ULK4: variants seen among roughly 807,000 people sequenced by gnomAD.
The protein encoded by ULK4 is unc-51 like kinase 4, also known as inactive serine/threonine-protein kinase ULK4.
ULK4 carries 133 observed loss-of-function variants against 160.6 expected under a neutral mutation model. That is an observed-to-expected ratio of 0.83 (90% confidence interval 0.72 to 0.96). The LOEUF (loss-of-function observed/expected upper bound fraction) is 0.96. Ranked by LOEUF, ULK4 falls within the 40% of genes least tolerant of loss-of-function variation. ULK4 has a pLI of 0.00. For missense variants in ULK4, 1,580 were observed against 1,499.5 expected (o/e 1.05, Z -0.89); for synonymous variants, 534 against 539.8 (o/e 0.99, Z 0.15).
chr3:41,486,754 T>C (rs933313044), intron 32 of ULK4, among the ~76,000 whole-genome samples: 5 of 152,212 alleles, frequency 3.3e-5, no homozygotes, highest in African/African-American at 9.7e-5. Context: ...TTTGGCCTTC[T>C]GGACTAACTG....
intron 35 of ULK4, among the ~76,000 whole-genome samples, chr3:41,381,429 T>C (rs538449903): frequency 6.6e-6 from 1 of 152,318 alleles, no homozygotes; most frequent in South Asian, 2.1e-4. Flanking sequence ...CATTTCCAGA[T>C]GGATGTTCAA....
rs547579420 is a variant in ULK4, at chr3:41,878,585, A to G, written c.1656+5289T>C. Among the ~76,000 whole-genome samples the G allele has an allele frequency of 1.4e-3, 207 of 152,056 alleles. 3 individuals carry two copies. The highest frequency in any genetic ancestry group is 2.1e-3 in the Non-Finnish European group (144 of 67,994). Reference sequence around the variant, plus strand: ...TGTAAGAAAACTTCCAACTACAAATAGAAAGGAAATTACAGAATAAGAAAA... The same window carrying G: ...TGTAAGAAAACTTCCAACTACAAATGGAAAGGAAATTACAGAATAAGAAAA... On this transcript the variant is annotated intron_variant, in intron 17 of 36. Transcript: ENST00000301831.
At chr3:41,794,838 C>A (rs539431455) in intron 20 of ULK4, among the ~76,000 whole-genome samples, 1 of 151,914 alleles carries the variant, frequency 6.6e-6, no homozygotes, top group East Asian at 1.9e-4. Flanking sequence ...ATGTAAAAAA[C>A]CAGCAGAGAA....
At chr3:41,537,192 AT>A (rs58996371) in intron 32 of ULK4, among the ~76,000 whole-genome samples, 21 of 149,164 alleles carry the variant, frequency 1.4e-4, no homozygotes, top group East Asian at 7.9e-4. Context: ...ACCCCCAACC[AT>A]TTTTTTTTTG....
chr3:41,419,649 T>C (rs57840176), intron 34 of ULK4, among the ~76,000 whole-genome samples: 5,434 of 152,180 alleles, frequency 0.036, 319 homozygotes, highest in African/African-American at 0.12. Context: ...AACTCAGGAC[T>C]GCTTTACTCT....
intron 32 of ULK4, among the ~76,000 whole-genome samples, chr3:41,526,804 AG>A (rs1327197231): frequency 6.6e-6 from 1 of 152,186 alleles, no homozygotes; most frequent in South Asian, 2.1e-4. Context: ...GGAGTGTTGT[AG>A]GGTTTTTTAA....
At position 41,576,534 on chromosome 3, in the gene ULK4, CAT is replaced by C. The variant is rs113427199; in HGVS notation, c.3121-10406_3121-10405del. ...CTTGGGTAAATACAGCTGCAGAAGG[CAT>C]AGACGGTGTGAGAGCCTCCTTCTAG... On this transcript the variant is annotated intron_variant, in intron 31 of 36. Transcript: ENST00000301831. Among the ~76,000 whole-genome samples the C allele has an allele frequency of 3.5e-3, 538 of 152,312 alleles. 4 individuals carry two copies. Among genetic ancestry groups the C allele is most frequent in the African/African-American group, 0.013 (520 of 41,554 alleles).
At chr3:41,345,610 A>T (rs754803000) in intron 35 of ULK4, among the ~76,000 whole-genome samples, 1 of 152,128 alleles carries the variant, frequency 6.6e-6, no homozygotes, top group Non-Finnish European at 1.5e-5. Context: ...AACCACACAC[A>T]GTGGGGCCTG....
chr3:41,590,759 T>C (rs1340614371), intron 31 of ULK4, among the ~76,000 whole-genome samples: 1 of 148,960 alleles, frequency 6.7e-6, no homozygotes, highest in African/African-American at 2.5e-5. Flanking sequence ...CAATACAGTA[T>C]ATCCAAAACT....
At chr3:41,484,748 G>T (rs932693942) in intron 32 of ULK4, among the ~76,000 whole-genome samples, 13 of 152,072 alleles carry the variant, frequency 8.5e-5, no homozygotes, top group Non-Finnish European at 1.9e-4. Flanking sequence ...CACCGCGCCC[G>T]GCCCGAGTGA....
At position 41,506,770 on chromosome 3, in the gene ULK4, AT is replaced by A. The variant is rs1559658076; in HGVS notation, c.3227-43518del. 1.0e-3 allele frequency among the ~76,000 whole-genome samples: 101 copies of A among 100,118 alleles called. 17 individuals carry two copies. In the East Asian group the frequency reaches 0.011, roughly 11 times the overall value. 65.7% of individuals were successfully genotyped at this position (100,118 alleles called of 152,430 possible). A position where few individuals can be genotyped will look rare whatever the true frequency, so the allele number is the denominator to read the frequency against. On this transcript the variant is annotated intron_variant, in intron 32 of 36. Coordinates refer to ENST00000301831, the MANE Select transcript of ULK4 (RefSeq NM_017886.4). Reference sequence around the variant, plus strand: ...AATACACTGGAGTGTGATTTAAAATATATATATATATATATATATATATATA... The same window carrying A: ...AATACACTGGAGTGTGATTTAAAATAATATATATATATATATATATATATA...
At position 41,504,125 on chromosome 3, in the gene ULK4, C is replaced by T. The variant is rs367668905; in HGVS notation, c.3227-40872G>A. On this transcript the variant is annotated intron_variant, in intron 32 of 36. Coordinates refer to ENST00000301831, the MANE Select transcript of ULK4 (RefSeq NM_017886.4). ...CAGGTAGAGAATGCTTGTCCCTACA[C>T]ATTGGCATGACTCTCCCTTCCTTCC... Among the ~76,000 whole-genome samples the T allele has an allele frequency of 2.8e-4, 42 of 152,268 alleles. No homozygotes were observed. In the South Asian group the frequency reaches 8.3e-3, roughly 30 times the overall value.
At chr3:41,578,897 C>T (rs1412006130) in intron 31 of ULK4, among the ~76,000 whole-genome samples, 3 of 152,186 alleles carry the variant, frequency 2.0e-5, no homozygotes, top group African/African-American at 7.2e-5. Context: ...CTCTTCAGAG[C>T]TTAATTTCTT....
chr3:41,774,044 T>A, intron 21 of ULK4, among the ~76,000 whole-genome samples: 1 of 152,266 alleles, frequency 6.6e-6, no homozygotes, highest in Non-Finnish European at 1.5e-5. Flanking sequence ...ACTGGATCCC[T>A]TCCTTACACC....
rs1018607424 is a variant in ULK4 at position 41,932,952 on chromosome 3, G to A, written c.379-946C>T. ...CCAGCTACTCAGGAGGCTGAGGCACGAGAATCGCTTGAACCTGGGAGGCAG... is the reference window on the plus strand; with the variant it reads ...CCAGCTACTCAGGAGGCTGAGGCACAAGAATCGCTTGAACCTGGGAGGCAG... On this transcript the variant is annotated intron_variant, in intron 4 of 36. Coordinates refer to ENST00000301831, the MANE Select transcript of ULK4 (RefSeq NM_017886.4). Among the ~76,000 whole-genome samples, 21 of 152,314 alleles carry A rather than the reference G, an allele frequency of 1.4e-4. 1 individual carries two copies. Among genetic ancestry groups the A allele is most frequent in the East Asian group, 1.2e-3 (6 of 5,190 alleles).
At chr3:41,764,314 T>C (rs983062446) in intron 21 of ULK4, among the ~76,000 whole-genome samples, 5 of 152,186 alleles carry the variant, frequency 3.3e-5, no homozygotes, top group Admixed American at 1.3e-4. Flanking sequence ...AAAAATACAA[T>C]TGGTGCTTTT....
intron 35 of ULK4, among the ~76,000 whole-genome samples, chr3:41,350,383 T>C (rs1381144216): frequency 1.3e-5 from 2 of 152,224 alleles, no homozygotes; most frequent in Non-Finnish European, 2.9e-5. Context: ...TGGAAGTTTA[T>C]TACCTTCACA....
At chr3:41,515,581 C>G (rs2085722807) in intron 32 of ULK4, among the ~76,000 whole-genome samples, 1 of 152,146 alleles carries the variant, frequency 6.6e-6, no homozygotes. Context: ...AAAAAACTTC[C>G]AATCATGACA....
intron 30 of ULK4, among the ~76,000 whole-genome samples, chr3:41,659,908 T>C (rs943000805): frequency 6.6e-6 from 1 of 152,082 alleles, no homozygotes; most frequent in Non-Finnish European, 1.5e-5. Flanking sequence ...TCTCTATGTA[T>C]TGATACAGAA....
Sources: allele counts gnomAD v4.1 joint callset (sites outside exome capture counted in the v4.1 genomes callset), GRCh38; gene constraint gnomAD v4.1.1; transcripts MANE v1.5; gene names NCBI Gene and HGNC (gene_info 2026-07-23, HGNC 2026-07-21).